The following GPC6 variants were observed in gnomAD, a reference collection of about 807,000 sequenced individuals.
GPC6 encodes the protein glypican-6.
Under a neutral mutation model 55.2 loss-of-function variants are expected in GPC6, and 14 were observed. The observed-to-expected ratio is 0.25, with a 90% CI of 0.17 to 0.40. GPC6 has a LOEUF of 0.40. GPC6 is among the 10% of genes least tolerant of loss of function. The pLI is 1.00. For missense variants in GPC6, 641 were observed against 708.5 expected (o/e 0.90, Z 1.08); for synonymous variants, 278 against 259.6 (o/e 1.07, Z -0.68).
intron 2 of GPC6, among the ~76,000 whole-genome samples, chr13:93,665,161 G>A (rs1412655852): frequency 6.6e-6 from 1 of 152,162 alleles, no homozygotes; most frequent in East Asian, 1.9e-4. Context: ...GTATAAGAAT[G>A]TTTACTGCAT....
rs1326031153 is a variant in GPC6 at position 93,303,028 on chromosome 13, A to G, written c.160+75412A>G. On this transcript the variant is annotated intron_variant, in intron 1 of 8. Transcript: ENST00000377047. Reference sequence around the variant, plus strand: ...AAACAGCCAACAAACTTATAATTATATAACTAGGGACTCTCCAGTGGGATA... The same window carrying G: ...AAACAGCCAACAAACTTATAATTATGTAACTAGGGACTCTCCAGTGGGATA... Among the ~76,000 whole-genome samples the G allele has an allele frequency of 2.6e-5, 4 of 152,330 alleles. No individual in the cohort carries two copies. In the East Asian group the frequency reaches 5.8e-4, roughly 22 times the overall value.
At chr13:94,373,908 T>G (rs1403845809) in intron 6 of GPC6, among the ~76,000 whole-genome samples, 2 of 151,954 alleles carry the variant, frequency 1.3e-5, no homozygotes, top group African/African-American at 4.8e-5. Flanking sequence ...GGGGCCAATA[T>G]TCAACATTCT....
chr13:93,287,969 T>C (rs954117193), intron 1 of GPC6, among the ~76,000 whole-genome samples: 1 of 152,220 alleles, frequency 6.6e-6, no homozygotes, highest in African/African-American at 2.4e-5. Flanking sequence ...CTAAGCAATC[T>C]CTTGATTTCA....
At chr13:93,984,783 C>G (rs1023822561) in intron 3 of GPC6, among the ~76,000 whole-genome samples, 1 of 152,104 alleles carries the variant, frequency 6.6e-6, no homozygotes, top group Non-Finnish European at 1.5e-5. Context: ...TCTGTACAAA[C>G]TAAAGCAAAA....
chr13:93,714,006 A>G (rs962404258), intron 2 of GPC6, among the ~76,000 whole-genome samples: 6 of 151,922 alleles, frequency 3.9e-5, no homozygotes, highest in African/African-American at 1.4e-4. Context: ...AGGAAACACC[A>G]TTCTGTTCAT....
intron 6 of GPC6, among the ~76,000 whole-genome samples, chr13:94,358,295 A>G (rs1566715925): frequency 1.3e-5 from 2 of 151,998 alleles, no homozygotes; most frequent in South Asian, 2.1e-4. Context: ...TCAAAAAAAA[A>G]AAAAAAGAAA....
intron 3 of GPC6, among the ~76,000 whole-genome samples, chr13:93,847,087 A>C (rs1888207459): frequency 6.6e-6 from 1 of 152,136 alleles, no homozygotes; most frequent in South Asian, 2.1e-4. Flanking sequence ...ACTCTAACAT[A>C]AGTAACATAG....
At chr13:94,203,270 TACTG>T (rs1477331139) in intron 4 of GPC6, among the ~76,000 whole-genome samples, 2 of 151,424 alleles carry the variant, frequency 1.3e-5, no homozygotes, top group African/African-American at 4.8e-5. Flanking sequence ...TAAAAAAAAA[TACTG>T]ACCCAGGTTT....
intron 4 of GPC6, 45 bp from the exon 5 acceptor site, chr13:94,286,304 G>A (rs1441745268): frequency 1.2e-6 from 2 of 1,608,290 alleles, no homozygotes; most frequent in Non-Finnish European, 1.7e-6. Flanking sequence ...TTGGGAACCT[G>A]GAGCTCCCAG....
intron 1 of GPC6, among the ~76,000 whole-genome samples, chr13:93,288,991 T>A (rs897154114): frequency 2.6e-4 from 40 of 152,158 alleles, no homozygotes; most frequent in African/African-American, 9.4e-4. Context: ...AGCAGTGAAA[T>A]GAGAATCTGA....
At chr13:94,119,810 G>A (rs936062016) in intron 4 of GPC6, among the ~76,000 whole-genome samples, 6 of 152,094 alleles carry the variant, frequency 3.9e-5, no homozygotes, top group Admixed American at 2.6e-4. Flanking sequence ...TGAAGGGGAA[G>A]AGATTTGACT....
intron 2 of GPC6, among the ~76,000 whole-genome samples, chr13:93,642,863 G>A (rs1880016375): frequency 6.6e-6 from 1 of 152,038 alleles, no homozygotes; most frequent in Non-Finnish European, 1.5e-5. Context: ...GGTTTCATCA[G>A]CTTCAGTATG....
At chr13:93,619,033 G>A (rs556516077) in intron 2 of GPC6, among the ~76,000 whole-genome samples, 27 of 152,240 alleles carry the variant, frequency 1.8e-4, no homozygotes, top group African/African-American at 6.3e-4. Context: ...TAATACTGTG[G>A]TAAATATTTG....
chr13:93,398,052 C>T (rs1056056436), intron 1 of GPC6, among the ~76,000 whole-genome samples: 1 of 152,232 alleles, frequency 6.6e-6, no homozygotes, highest in East Asian at 1.9e-4. Context: ...TGTGCCAGCC[C>T]CCATTTCAGC....
chr13:94,325,287 G>A (rs954106801), intron 6 of GPC6, among the ~76,000 whole-genome samples: 10 of 152,152 alleles, frequency 6.6e-5, no homozygotes, highest in Admixed American at 5.2e-4. Flanking sequence ...AGAAGAACGC[G>A]GCTCACTCAT....
chr13:94,172,177 A>G (rs892519857), intron 4 of GPC6, among the ~76,000 whole-genome samples: 1 of 152,028 alleles, frequency 6.6e-6, no homozygotes, highest in Non-Finnish European at 1.5e-5. Flanking sequence ...AATCAAATCT[A>G]CCTGAGGAAC....
At chr13:93,789,350 G>C (rs1408542702) in intron 2 of GPC6, among the ~76,000 whole-genome samples, 2 of 151,402 alleles carry the variant, frequency 1.3e-5, no homozygotes. Context: ...CACCATCACT[G>C]TTAAGGTAGT....
chr13:94,106,368 T>G (rs1404197663), intron 4 of GPC6, among the ~76,000 whole-genome samples: 1 of 152,214 alleles, frequency 6.6e-6, no homozygotes, highest in East Asian at 1.9e-4. Context: ...CTCTACATTA[T>G]GAAAGGATAA....
Position 93,988,541 on chromosome 13 carries a change from G to A in GPC6, c.712-39188G>A, listed in dbSNP as rs576433103. On this transcript the variant is annotated intron_variant, in intron 3 of 8. Coordinates refer to ENST00000377047, the MANE Select transcript of GPC6 (RefSeq NM_005708.5). ...GGAGGCTGGGAAATCCAAGATCAAG[G>A]TGCCAGCACATTGTGTCTGGTGAAG... 2.0e-5 allele frequency among the ~76,000 whole-genome samples: 3 copies of A among 152,278 alleles called. No homozygotes were observed. The East Asian group carries it at 5.8e-4, about 29-fold the overall frequency.
Sources: allele counts gnomAD v4.1 joint callset (sites outside exome capture counted in the v4.1 genomes callset), GRCh38; gene constraint gnomAD v4.1.1; transcripts MANE v1.5; gene names NCBI Gene and HGNC (gene_info 2026-07-23, HGNC 2026-07-21).